The following VPS13B variants were observed in gnomAD, a reference collection of about 807,000 sequenced individuals.
VPS13B encodes vacuolar protein sorting 13 homolog B.
VPS13B carries 285 observed loss-of-function variants against 426.4 expected under a neutral mutation model. The ratio of observed to expected loss-of-function variants is 0.67; its 90% confidence interval spans 0.61 to 0.74. The LOEUF (loss-of-function observed/expected upper bound fraction) is 0.74. Ranked by LOEUF, VPS13B falls within the 30% of genes least tolerant of loss-of-function variation. VPS13B has a pLI of 0.00. For synonymous variants in VPS13B, 1,676 were observed against 1,676.4 expected, an observed-to-expected ratio of 1.00 and a Z score of 0.01; for missense variants, 4,537 against 4,782.6, an observed-to-expected ratio of 0.95 and a Z score of 1.51.
chr8:99,112,371 G>T (rs1847408916), intron 6 of VPS13B, among the ~76,000 whole-genome samples: 1 of 151,920 alleles, frequency 6.6e-6, no homozygotes, highest in Non-Finnish European at 1.5e-5. Flanking sequence ...AATTAGTTTT[G>T]TTTTTGTTAC....
At chr8:99,255,052 CCT>C (rs1392793620) in intron 17 of VPS13B, among the ~76,000 whole-genome samples, 1 of 151,370 alleles carries the variant, frequency 6.6e-6, no homozygotes, top group Non-Finnish European at 1.5e-5. Context: ...TCTTTTTTTC[CCT>C]GTTTTTTTTT....
At chr8:99,643,143 A>G (rs932897210) in intron 34 of VPS13B, among the ~76,000 whole-genome samples, 1 of 152,150 alleles carries the variant, frequency 6.6e-6, no homozygotes, top group Non-Finnish European at 1.5e-5. Context: ...AAGACATACA[A>G]GTTATTAAGT....
chr8:99,463,952 C>T (rs185734278), intron 23 of VPS13B, among the ~76,000 whole-genome samples: 2,310 of 152,238 alleles, frequency 0.015, 32 homozygotes, highest in Middle Eastern at 0.041. Flanking sequence ...ACTTCGGCCT[C>T]CCAAAGTGTT....
At chr8:99,724,299 C>A (rs1833244411) in intron 39 of VPS13B, among the ~76,000 whole-genome samples, 1 of 152,066 alleles carries the variant, frequency 6.6e-6, no homozygotes, top group South Asian at 2.1e-4. Flanking sequence ...TTTCTGTGGT[C>A]GTGTGGGGTA....
At chr8:99,275,048 T>G in intron 18 of VPS13B, 33 bp from the exon 19 acceptor site, 2 of 1,536,808 alleles carry the variant, frequency 1.3e-6, no homozygotes, top group Non-Finnish European at 1.8e-6. Context: ...CATGTTTTAT[T>G]TTTATTATTG....
chr8:99,865,881 A>G (rs930240201), intron 58 of VPS13B, among the ~76,000 whole-genome samples: 1 of 152,252 alleles, frequency 6.6e-6, no homozygotes, highest in East Asian at 1.9e-4. Context: ...TCCATAGCCC[A>G]GTGACCAAGT....
At position 99,115,890 on chromosome 8, in the gene VPS13B, A is replaced by T; in HGVS notation, c.937+16A>T. ...AACATTACAGGTAATGTAAAACTTT[A>T]TTAAACAAAAACTTTATTTTAAGAC... is the stretch of plus-strand genomic sequence containing the variant. On this transcript the variant is annotated intron_variant, in intron 7 of 61. Coordinates refer to ENST00000357162, the MANE Select transcript of VPS13B (RefSeq NM_152564.5). The T allele has an allele frequency of 6.2e-7, 1 of 1,608,726 alleles. No homozygotes were observed. Among genetic ancestry groups the T allele is most frequent in the East Asian group, 2.2e-5 (1 of 44,712 alleles).
intron 54 of VPS13B, 25 bp from the exon 55 acceptor site, chr8:99,848,751 C>T: frequency 6.2e-7 from 1 of 1,606,740 alleles, no homozygotes; most frequent in Non-Finnish European, 8.5e-7. Context: ...TCTTTTTAAT[C>T]AGATTTTGAA....
chr8:99,754,063 A>G (rs1810521207), intron 39 of VPS13B, among the ~76,000 whole-genome samples: 1 of 150,648 alleles, frequency 6.6e-6, no homozygotes, highest in Non-Finnish European at 1.5e-5. Flanking sequence ...GTGGTTTCTC[A>G]ACTGGTTCCA....
intron 17 of VPS13B, chr8:99,233,467 G>T: frequency 1.5e-6 from 2 of 1,351,654 alleles, no homozygotes; most frequent in Non-Finnish European, 2.1e-6. Flanking sequence ...CACAGCCTGG[G>T]TTGGGATGAA....
At chr8:99,121,771 T>G (rs1247557555) in intron 8 of VPS13B, 2 of 275,184 alleles carry the variant, frequency 7.3e-6, no homozygotes, top group Non-Finnish European at 1.3e-5. Flanking sequence ...AATTTTCCCG[T>G]GAATTCTTTT....
rs144674961 is a variant in VPS13B, at chr8:99,807,677, T to TTGTGTGTG, written c.7942-1678_7942-1671dup. Among the ~76,000 whole-genome samples the TTGTGTGTG allele has an allele frequency of 2.7e-5, 4 of 146,190 alleles. 1 individual carries two copies. The highest frequency in any genetic ancestry group is 2.2e-4 in the South Asian group (1 of 4,584). The stretch of plus-strand genomic sequence containing the variant: ...AAGGTATTTACTATCCAGGGTGTGT[T>TTGTGTGTG]TGTGTGTGTGTGTGTGTGTGTGTGT... On this transcript the variant is annotated intron_variant, in intron 43 of 61. Coordinates refer to ENST00000357162, the MANE Select transcript of VPS13B (RefSeq NM_152564.5).
intron 34 of VPS13B, among the ~76,000 whole-genome samples, chr8:99,644,605 A>G (rs552928645): frequency 6.6e-6 from 1 of 152,188 alleles, no homozygotes; most frequent in East Asian, 1.9e-4. Flanking sequence ...AGGCTCACAT[A>G]CTTTCTAAGG....
intron 16 of VPS13B, among the ~76,000 whole-genome samples, chr8:99,185,544 A>C (rs1813175182): frequency 6.6e-6 from 1 of 152,170 alleles, no homozygotes; most frequent in Admixed American, 6.5e-5. Flanking sequence ...TATGAGTAAT[A>C]ACAAAAATAC....
At chr8:99,714,282 T>G (rs1420756597) in intron 36 of VPS13B, among the ~76,000 whole-genome samples, 1 of 152,030 alleles carries the variant, frequency 6.6e-6, no homozygotes, top group Non-Finnish European at 1.5e-5. Context: ...AAATGAATAT[T>G]CATGAGTCCA....
At chr8:99,582,194 A>G (rs909502853) in intron 33 of VPS13B, among the ~76,000 whole-genome samples, 2 of 152,130 alleles carry the variant, frequency 1.3e-5, no homozygotes, top group Non-Finnish European at 2.9e-5. Flanking sequence ...GCCCAATTAT[A>G]TAATCATGGG....
chr8:99,783,770 A>G (rs1401693952), intron 42 of VPS13B, among the ~76,000 whole-genome samples: 1 of 152,206 alleles, frequency 6.6e-6, no homozygotes, highest in Non-Finnish European at 1.5e-5. Flanking sequence ...ATAGAGGGAA[A>G]GTTATGGTTT....
intron 19 of VPS13B, among the ~76,000 whole-genome samples, chr8:99,287,126 A>G (rs1176750817): frequency 6.6e-6 from 1 of 152,116 alleles, no homozygotes. Flanking sequence ...AATGTGTTCT[A>G]ACTTCTAAGT....
chr8:99,302,667 C>G (rs1820428066), intron 19 of VPS13B, among the ~76,000 whole-genome samples: 1 of 152,104 alleles, frequency 6.6e-6, no homozygotes, highest in African/African-American at 2.4e-5. Flanking sequence ...TGCCACCACA[C>G]CCAGCTGATT....
Sources: gnomAD v4.1 joint callset for allele counts (sites outside exome capture counted in the v4.1 genomes callset) on GRCh38, gnomAD v4.1.1 for gene constraint, MANE v1.5 for transcripts, NCBI Gene and HGNC (gene_info 2026-07-23, HGNC 2026-07-21) for gene names.